USP31: variants seen among roughly 807,000 people sequenced by gnomAD.
USP31 encodes ubiquitin specific peptidase 31, also known as ubiquitin carboxyl-terminal hydrolase 31.
In USP31, 44 loss-of-function variants were observed where a neutral mutation model predicts 119.4. That is an observed-to-expected ratio of 0.37 (90% CI 0.29 to 0.47). The LOEUF (loss-of-function observed/expected upper bound fraction) is 0.47. Among genes scored for constraint, USP31 ranks in the 20% least tolerant of loss-of-function variants. The pLI is 0.99. For synonymous variants in USP31, 749 were observed against 705.6 expected (o/e 1.06, Z -0.97); for missense variants, 1,643 against 1,730.2 (o/e 0.95, Z 0.89).
chr16:23,106,536 T>C, intron 2 of USP31, 49 bp from the exon 3 acceptor site: 1 of 1,515,260 alleles, frequency 6.6e-7, no homozygotes, highest in East Asian at 2.3e-5. Flanking sequence ...GACCAATTCT[T>C]GGTTGAAGAT....
intron 1 of USP31, among the ~76,000 whole-genome samples, chr16:23,119,148 G>A (rs1436800524): frequency 4.0e-5 from 6 of 150,270 alleles, no homozygotes; most frequent in Non-Finnish European, 8.9e-5. Context: ...CCCCAGGCTG[G>A]AGTGCAGTGG....
Position 23,148,872 on chromosome 16 carries a change from G to A in USP31, c.399C>T (p.His133=). ...TGGCGTTCATGAAGCACGTGTTGCC[G>A]TGGTTGCGGAGCCCCGCCACGCCGG... is the stretch of plus-strand genomic sequence containing the variant. ...PVPGVAGLRN[H]GNTCFMNATL... Residue 133 remains histidine, a synonymous_variant, in exon 1 of 16, where the codon CAC becomes CAT. Transcript: ENST00000219689. 6.7e-7 allele frequency: 1 copy of A among 1,484,538 alleles called. No homozygotes were observed. Among genetic ancestry groups the A allele is most frequent in the Non-Finnish European group, 9.0e-7 (1 of 1,111,836 alleles). The allele number at this position is 1,484,538 out of a possible 1,614,324, so 92.0% of individuals were successfully genotyped here.
chr16:23,144,606 A>C (rs1224693406), intron 1 of USP31, among the ~76,000 whole-genome samples: 1 of 151,864 alleles, frequency 6.6e-6, no homozygotes, highest in Non-Finnish European at 1.5e-5. Flanking sequence ...CAGCCTCCCG[A>C]GTAGCTGGGA....
At chr16:23,090,308 C>T (rs71378495) in intron 7 of USP31, among the ~76,000 whole-genome samples, 41,512 of 152,044 alleles carry the variant, frequency 0.27, 6,104 homozygotes, top group Admixed American at 0.34. Flanking sequence ...ATCGCTTGAA[C>T]CTGGGAGGCA....
chr16:23,065,172 T>C lies in USP31; in HGVS notation c.*2874A>G, dbSNP rs1182269217. 3 of 151,728 alleles carry C rather than the reference T, an allele frequency of 2.0e-5. No individual in the cohort carries two copies. The highest frequency in any genetic ancestry group is 7.3e-5 in the African/African-American group (3 of 41,318). The allele number at this position is 151,728 out of a possible 1,614,324, so 9.4% of individuals were successfully genotyped here. The stretch of plus-strand genomic sequence containing the variant: ...AAACATTACAGATACAACATTACTG[T>C]TGGTGATTATTTTGTGCCTACCAGG... On this transcript the variant is annotated 3_prime_UTR_variant, in exon 16 of 16. Coordinates refer to ENST00000219689, the MANE Select transcript of USP31 (RefSeq NM_020718.4).
Position 23,068,614 on chromosome 16 carries a change from C to T in USP31, c.3491G>A (p.Gly1164Asp). The change falls in exon 16 of 16, where the codon GGT becomes GAT. Residue 1164 changes from glycine (G) to aspartate (D), a missense_variant. Physicochemically the swap from Gly to Asp is moderately conservative, Grantham distance 94. Transcript: ENST00000219689. ...GGAGGTGGCGCTGGCTCTGTCAGAA[C>T]CCAAGCTTTGTCTGGAGCCCTCTCT... ...LSREGSRQSL[G>D]SDRASATSTS... 2 of 1,614,210 alleles carry T rather than the reference C, an allele frequency of 1.2e-6. No individual in the cohort carries two copies. The highest frequency in any genetic ancestry group is 1.6e-4 in the Middle Eastern group (1 of 6,062).
chr16:23,126,206 C>A (rs1401815619), intron 1 of USP31, among the ~76,000 whole-genome samples: 3 of 151,496 alleles, frequency 2.0e-5, no homozygotes, highest in Non-Finnish European at 4.4e-5. Context: ...ACCTGTTGTC[C>A]CAGCTACCAC....
rs186452809 is a variant in USP31 at position 23,078,189 on chromosome 16, G to A, written c.2176+1757C>T. 4.8e-3 allele frequency among the ~76,000 whole-genome samples: 721 copies of A among 151,766 alleles called. 4 individuals are homozygous for A. Among genetic ancestry groups the A allele is most frequent in the Middle Eastern group, 0.014 (4 of 294 alleles). Reference sequence around the variant, plus strand: ...TAGCTGGGTGTGGTGGTGTGTGCCTGTAGTCCCAGCTACTCGGGAGGCTGA... The same window carrying A: ...TAGCTGGGTGTGGTGGTGTGTGCCTATAGTCCCAGCTACTCGGGAGGCTGA... On this transcript the variant is annotated intron_variant, in intron 13 of 15. Transcript: ENST00000219689.
At chr16:23,144,541 A>G (rs1903450729) in intron 1 of USP31, among the ~76,000 whole-genome samples, 1 of 151,700 alleles carries the variant, frequency 6.6e-6, no homozygotes, top group East Asian at 1.9e-4. Context: ...GCGCAGTGAC[A>G]TGATCTCTGC....
chr16:23,120,645 A>C (rs1174127739), intron 1 of USP31, among the ~76,000 whole-genome samples: 1 of 152,254 alleles, frequency 6.6e-6, no homozygotes, highest in Non-Finnish European at 1.5e-5. Flanking sequence ...ACCTAGGAAG[A>C]GAAAAAAAGA....
chr16:23,106,336 T>C (rs1902102137), intron 3 of USP31, 31 bp from the exon 4 acceptor site: 1 of 1,613,766 alleles, frequency 6.2e-7, no homozygotes, highest in East Asian at 2.2e-5. Flanking sequence ...ACGCTTGACA[T>C]TAAAATCACC....
chr16:23,114,883 T>G (rs781243938), intron 1 of USP31, among the ~76,000 whole-genome samples: 1 of 152,158 alleles, frequency 6.6e-6, no homozygotes, highest in Non-Finnish European at 1.5e-5. Flanking sequence ...TTTTTACCCC[T>G]CACAATGGTA....
chr16:23,136,013 T>A (rs993940524), intron 1 of USP31, among the ~76,000 whole-genome samples: 5 of 152,074 alleles, frequency 3.3e-5, no homozygotes, highest in Admixed American at 2.6e-4. Context: ...TATAAATCAA[T>A]GGAATAGAAC....
intron 2 of USP31, 39 bp downstream of exon 2, chr16:23,108,007 A>G (rs1246468251): frequency 9.5e-6 from 15 of 1,580,550 alleles, no homozygotes; most frequent in African/African-American, 1.4e-5. Flanking sequence ...ACACACTCTC[A>G]TGGCTGGCTG....
At chr16:23,099,127 A>C (rs1177694397) in intron 6 of USP31, among the ~76,000 whole-genome samples, 1 of 152,188 alleles carries the variant, frequency 6.6e-6, no homozygotes, top group African/African-American at 2.4e-5. Context: ...AATTTACAAG[A>C]AAAAAACAAC....
chr16:23,073,896 C>A lies in USP31; in HGVS notation c.2177-16G>T. 6.2e-7 allele frequency: 1 copy of A among 1,613,504 alleles called. No individual in the cohort carries two copies. Among genetic ancestry groups the A allele is most frequent in the East Asian group, 2.2e-5 (1 of 44,852 alleles). On this transcript the variant is annotated splice_polypyrimidine_tract_variant and intron_variant, in intron 13 of 15. Transcript: ENST00000219689. ...TTACAGTACGCTGCCAAAGAGAGCC[C>A]GCCATCAGCACCAGGGGAGGCTGCA...
chr16:23,067,813 G>T lies in USP31; in HGVS notation c.*233C>A. ...CGTCTACAATTATTCCAGTTAGCTT[G>T]GTGTCAATGTTTTGCCTATGGCTGT... On this transcript the variant is annotated 3_prime_UTR_variant, in exon 16 of 16. Transcript: ENST00000219689. 1 of 464,932 alleles carries T rather than the reference G, an allele frequency of 2.2e-6. No homozygotes were observed. Among genetic ancestry groups the T allele is most frequent in the Non-Finnish European group, 3.7e-6 (1 of 268,094 alleles). 28.8% of individuals were successfully genotyped at this position (464,932 alleles called of 1,614,324 possible). A position where few individuals can be genotyped will look rare whatever the true frequency, so the allele number is the denominator to read the frequency against.
At chr16:23,111,056 A>G (rs932660507) in intron 1 of USP31, among the ~76,000 whole-genome samples, 1 of 152,148 alleles carries the variant, frequency 6.6e-6, no homozygotes, top group Non-Finnish European at 1.5e-5. Flanking sequence ...TGAACCCGGG[A>G]GGCAGCGCTT....
chr16:23,072,126 A>G lies in USP31; in HGVS notation c.2407T>C (p.Ser803Pro). 1 of 1,613,112 alleles carries G rather than the reference A, an allele frequency of 6.2e-7. No homozygotes were observed. The highest frequency in any genetic ancestry group is 8.5e-7 in the Non-Finnish European group (1 of 1,180,026). The change falls in exon 15 of 16, where the codon TCT becomes CCT. Residue 803 changes from serine to proline, a missense_variant. Coordinates refer to ENST00000219689, the MANE Select transcript of USP31 (RefSeq NM_020718.4). ...GAGGTGCGTCTGGAGGAAGCTGCAG[A>G]GGTCACGCTGGCTGGCTTGCTGCCC... is the stretch of plus-strand genomic sequence containing the variant. ...LPGSKPASVT[S>P]AASSRRTSLA...
Sources: gnomAD v4.1 joint callset for allele counts (sites outside exome capture counted in the v4.1 genomes callset) on GRCh38, gnomAD v4.1.1 for gene constraint, MANE v1.5 for transcripts, NCBI Gene and HGNC (gene_info 2026-07-23, HGNC 2026-07-21) for gene names.